ATIC: variants seen among roughly 807,000 people sequenced by gnomAD.
ATIC encodes 5-aminoimidazole-4-carboxamide ribonucleotide formyltransferase/IMP cyclohydrolase, also known as bifunctional purine biosynthesis protein ATIC.
ATIC carries 64 observed loss-of-function variants against 72.5 expected under a neutral mutation model. The observed-to-expected ratio is 0.88, with a 90% confidence interval of 0.72 to 1.09. The LOEUF is 1.09. ATIC is among the 50% of genes least tolerant of loss of function. The pLI is 0.00. For synonymous variants in ATIC, 281 were observed against 267.1 expected (o/e 1.05, Z -0.51); for missense variants, 787 against 732.4 (o/e 1.07, Z -0.86).
At chr2:215,347,019 T>G (rs775794609) in intron 14 of ATIC, 78 bp downstream of exon 14, 24 of 1,502,012 alleles carry the variant, frequency 1.6e-5, no homozygotes, top group Non-Finnish European at 2.1e-5. Context: ...TTTAACTTCA[T>G]CACCACACAG....
chr2:215,339,397 G>C (rs2052993036), intron 12 of ATIC, among the ~76,000 whole-genome samples: 1 of 152,036 alleles, frequency 6.6e-6, no homozygotes, highest in African/African-American at 2.4e-5. Flanking sequence ...GCGCCTGTAG[G>C]TCCAGCTACT....
downstream of ATIC, among the ~76,000 whole-genome samples, chr2:215,354,229 C>T (rs2053150622): frequency 6.6e-6 from 1 of 151,416 alleles, no homozygotes; most frequent in Non-Finnish European, 1.5e-5. Flanking sequence ...AGGGTTTCAC[C>T]ATGTTGTCCA....
In ATIC at chr2:215,322,863, C is replaced by A. The variant is rs144237633; in HGVS notation, c.291-2378C>A. On this transcript the variant is annotated intron_variant, in intron 4 of 15. Coordinates refer to ENST00000236959, the MANE Select transcript of ATIC (RefSeq NM_004044.7). ...CTGTTATGCCAGTACTACACTATTA[C>A]TATAGGCTGGTAACAAATTTTGAAA... 3.9e-5 allele frequency among the ~76,000 whole-genome samples: 6 copies of A among 152,300 alleles called. No homozygotes were observed. The East Asian group carries it at 1.2e-3, about 29-fold the overall frequency.
intron 7 of ATIC, among the ~76,000 whole-genome samples, chr2:215,329,731 G>A (rs897130306): frequency 6.6e-6 from 1 of 151,910 alleles, no homozygotes; most frequent in African/African-American, 2.4e-5. Context: ...AGTTATTAAT[G>A]TCTTTGAAAA....
intron 1 of ATIC, 41 bp from the exon 2 acceptor site, chr2:215,312,457 A>C (rs2052663865): frequency 6.2e-7 from 1 of 1,614,154 alleles, no homozygotes; most frequent in Non-Finnish European, 8.5e-7. Context: ...AACACAGTGC[A>C]ATGTGCTGCG....
rs368380761 is a variant in ATIC at position 215,337,334 on chromosome 2, C to G, written c.1098+1210C>G. 5.1e-4 allele frequency among the ~76,000 whole-genome samples: 78 copies of G among 152,216 alleles called. 1 individual carries two copies. The South Asian group carries it at 0.016, about 30-fold the overall frequency. ...TAGTTCACCATAGATTCCATGTCAG[C>G]TATTTAAGGAAAGAAGAGAATACCA... On this transcript the variant is annotated intron_variant, in intron 11 of 15. Coordinates refer to ENST00000236959, the MANE Select transcript of ATIC (RefSeq NM_004044.7).
chr2:215,347,592 C>G (rs765190644), intron 14 of ATIC: 5 of 490,060 alleles, frequency 1.0e-5, no homozygotes, highest in South Asian at 7.7e-5. Context: ...TCTGAAGAGC[C>G]AATTGACTAC....
At position 215,332,440 on chromosome 2, in the gene ATIC, G is replaced by A. The variant is rs1559273772; in HGVS notation, c.747G>A (p.Leu249=). The change falls in exon 8 of 16, where the codon CTG becomes CTA. Residue 249 remains leucine (L), a synonymous_variant. Coordinates refer to ENST00000236959, the MANE Select transcript of ATIC (RefSeq NM_004044.7). ...NLCDALNAWQ[L]VKELKEALGI... is the part of the protein sequence containing the mutation. ...GCGATGCTTTGAACGCCTGGCAGCT[G>A]GTGAAGGAACTCAAGGAGGCTTTAG... 19 of 1,614,100 alleles carry A rather than the reference G, an allele frequency of 1.2e-5. No homozygotes were observed. The highest frequency in any genetic ancestry group is 1.6e-5 in the Non-Finnish European group (19 of 1,180,034).
chr2:215,357,766 G>A, the ATIC span, among the ~76,000 whole-genome samples: 1 of 151,918 alleles, frequency 6.6e-6, no homozygotes, highest in African/African-American at 2.4e-5. Flanking sequence ...TTTCTGCAAG[G>A]TCATCTTTGT....
chr2:215,340,544 A>G (rs6757920), intron 12 of ATIC, among the ~76,000 whole-genome samples: 54,051 of 151,928 alleles, frequency 0.36, 11,133 homozygotes, highest in Non-Finnish European at 0.46. Context: ...AACTGTAGCG[A>G]TATTTTGAGG....
At chr2:215,361,660 G>T in the ATIC span, 2 of 1,475,660 alleles carry the variant, frequency 1.4e-6, no homozygotes, top group Non-Finnish European at 1.9e-6. Context: ...AAAAATTAGT[G>T]GCAAATACTG....
At chr2:215,353,628 C>T (rs180972255), downstream of ATIC, among the ~76,000 whole-genome samples, 258 of 152,248 alleles carry the variant, frequency 1.7e-3, 2 homozygotes, top group African/African-American at 6.0e-3. Context: ...ATGGCATGCT[C>T]TCAGCTCACT....
At chr2:215,364,610 A>G in the ATIC span, 1 of 538,282 alleles carries the variant, frequency 1.9e-6, no homozygotes, top group Non-Finnish European at 3.4e-6. Context: ...AGGTGTTGCT[A>G]TTAAGAATGA....
intron 7 of ATIC, among the ~76,000 whole-genome samples, chr2:215,330,584 A>G (rs1264328667): frequency 6.6e-6 from 1 of 152,176 alleles, no homozygotes; most frequent in Admixed American, 6.5e-5. Context: ...GCACAGTGGC[A>G]TGTCTCCCCC....
chr2:215,333,335 C>T lies in ATIC; in HGVS notation c.815-15C>T. On this transcript the variant is annotated splice_polypyrimidine_tract_variant and intron_variant, in intron 8 of 15. Coordinates refer to ENST00000236959, the MANE Select transcript of ATIC (RefSeq NM_004044.7). Reference sequence around the variant, plus strand: ...TTAGCTTTCTTTGTTTATGATTTTACTATTTTCTAACCAGGTGCTGCTGTT... The same window carrying T: ...TTAGCTTTCTTTGTTTATGATTTTATTATTTTCTAACCAGGTGCTGCTGTT... The T allele has an allele frequency of 1.2e-6, 2 of 1,610,120 alleles. No individual in the cohort carries two copies. The highest frequency in any genetic ancestry group is 2.2e-5 in the South Asian group (2 of 91,008).
At chr2:215,349,902 G>A, downstream of ATIC, 1 of 603,056 alleles carries the variant, frequency 1.7e-6, no homozygotes, top group Admixed American at 3.0e-5. Flanking sequence ...CACTGCCCGT[G>A]TGAAACATAA....
Position 215,349,754 on chromosome 2 carries a change from T to C in ATIC, c.*99T>C. The C allele has an allele frequency of 6.3e-7, 1 of 1,593,220 alleles. No homozygotes were observed. The highest frequency in any genetic ancestry group is 8.6e-7 in the Non-Finnish European group (1 of 1,162,214). ...TTTAAAAAAATAAAACAGTATCTCT[T>C]AATCACTGGATCCATAGTTTTTGGT... On this transcript the variant is annotated 3_prime_UTR_variant, in exon 16 of 16. Transcript: ENST00000236959.
intron 2 of ATIC, among the ~76,000 whole-genome samples, chr2:215,314,583 C>T (rs1031905023): frequency 2.0e-5 from 3 of 151,954 alleles, no homozygotes; most frequent in African/African-American, 4.8e-5. Flanking sequence ...ACTGCAACCT[C>T]TGCCTCCCAG....
the ATIC span, among the ~76,000 whole-genome samples, chr2:215,367,210 A>C: frequency 6.6e-6 from 1 of 152,252 alleles, no homozygotes; most frequent in South Asian, 2.1e-4. Flanking sequence ...TTCTAATCCT[A>C]ATCTCAAAGC....
Sources: gnomAD v4.1 joint callset for allele counts (sites outside exome capture counted in the v4.1 genomes callset) on GRCh38, gnomAD v4.1.1 for gene constraint, MANE v1.5 for transcripts, NCBI Gene and HGNC (gene_info 2026-07-23, HGNC 2026-07-21) for gene names.